Variants in LINGO2 observed in about 807,000 individuals in gnomAD.
The protein encoded by LINGO2 is leucine-rich repeat and immunoglobulin-like domain-containing nogo receptor-interacting protein 2.
Under a neutral mutation model 30.6 loss-of-function variants are expected in LINGO2, and 14 were observed. That is an observed-to-expected ratio of 0.46 (90% CI 0.30 to 0.72). LINGO2 has a LOEUF of 0.72. LINGO2 is among the 30% of genes least tolerant of loss of function. The probability of loss-of-function intolerance (pLI) is 0.07; values close to 1 mark genes in which losing one functional copy is unlikely to be tolerated. For missense variants in LINGO2, 729 were observed against 751.7 expected, an observed-to-expected ratio of 0.97 and a Z score of 0.35; for synonymous variants, 317 against 288.5, an observed-to-expected ratio of 1.10 and a Z score of -1.00.
the LINGO2 span, among the ~76,000 whole-genome samples, chr9:28,730,374 G>T: frequency 6.6e-6 from 1 of 152,116 alleles, no homozygotes; most frequent in African/African-American, 2.4e-5. Context: ...CGAGAGTTGG[G>T]CAAAGAGTTA....
chr9:28,441,976 T>C (rs1824216399), intron 2 of LINGO2, among the ~76,000 whole-genome samples: 1 of 152,178 alleles, frequency 6.6e-6, no homozygotes, highest in Non-Finnish European at 1.5e-5. Context: ...AAAATGTATA[T>C]CGATTCAATC....
At chr9:29,172,886 T>C in the LINGO2 span, among the ~76,000 whole-genome samples, 2 of 152,154 alleles carry the variant, frequency 1.3e-5, no homozygotes, top group Non-Finnish European at 1.5e-5. Flanking sequence ...TTAAGAGTCA[T>C]AGTCTGTCTT....
intron 4 of LINGO2, among the ~76,000 whole-genome samples, chr9:28,258,243 A>T (rs904111850): frequency 3.3e-5 from 5 of 151,870 alleles, no homozygotes; most frequent in Non-Finnish European, 7.4e-5. Context: ...ACTGGAGTAA[A>T]AATGCTTCCT....
In LINGO2 at chr9:28,199,596, C is replaced by G. The variant is rs150972949; in HGVS notation, c.-87+95612G>C. 3.5e-4 allele frequency among the ~76,000 whole-genome samples: 54 copies of G among 152,172 alleles called. No individual in the cohort carries two copies. The East Asian group carries it at 5.6e-3, about 16-fold the overall frequency. On this transcript the variant is annotated intron_variant, in intron 4 of 5. Coordinates refer to ENST00000379992, the Ensembl canonical transcript of LINGO2. ...CTTGTGATCCGCCTGCCTCGGCCCC[C>G]CAAAGTGTTGGGATTACAGGCGTGA...
intron 4 of LINGO2, among the ~76,000 whole-genome samples, chr9:28,269,152 C>T (rs984980446): frequency 3.3e-5 from 5 of 152,028 alleles, no homozygotes; most frequent in Admixed American, 6.6e-5. Context: ...ATGTCCATTT[C>T]TTGTGTTTCC....
At chr9:28,788,126 T>A in the LINGO2 span, among the ~76,000 whole-genome samples, 1 of 152,174 alleles carries the variant, frequency 6.6e-6, no homozygotes, top group Non-Finnish European at 1.5e-5. Context: ...ACAAAAAAGA[T>A]ATCTACAAAA....
intron 4 of LINGO2, among the ~76,000 whole-genome samples, chr9:28,224,911 A>C (rs1012094157): frequency 6.6e-6 from 1 of 152,170 alleles, no homozygotes; most frequent in African/African-American, 2.4e-5. Context: ...CAGCAACATA[A>C]AAACAGACAC....
At chr9:28,398,953 T>C (rs989322725) in intron 2 of LINGO2, among the ~76,000 whole-genome samples, 2 of 152,062 alleles carry the variant, frequency 1.3e-5, no homozygotes, top group Admixed American at 6.6e-5. Flanking sequence ...TCAATCACAG[T>C]CAAAAACTCC....
the LINGO2 span, among the ~76,000 whole-genome samples, chr9:29,010,057 G>C: frequency 6.6e-6 from 1 of 152,076 alleles, no homozygotes; most frequent in Non-Finnish European, 1.5e-5. Context: ...TTAAATGTTA[G>C]ACCTAAAACC....
chr9:29,002,282 C>T, the LINGO2 span, among the ~76,000 whole-genome samples: 3 of 151,970 alleles, frequency 2.0e-5, no homozygotes, highest in Non-Finnish European at 4.4e-5. Context: ...AGAAATGACA[C>T]TGATGATTAT....
In LINGO2 at chr9:28,288,724, G is replaced by C. The variant is rs149284118; in HGVS notation, c.-87+6484C>G. 9.9e-4 allele frequency among the ~76,000 whole-genome samples: 151 copies of C among 152,284 alleles called. 1 individual carries two copies. The East Asian group carries it at 0.025, about 25-fold the overall frequency. ...TTAAGAGTCACATGAGATTTTTCAT[G>C]AGGGAATCAGCTGCCTCACTAAATT... On this transcript the variant is annotated intron_variant, in intron 4 of 5. Transcript: ENST00000379992.
chr9:28,617,377 C>A (rs1283819251), intron 1 of LINGO2, among the ~76,000 whole-genome samples: 1 of 151,720 alleles, frequency 6.6e-6, no homozygotes, highest in African/African-American at 2.4e-5. Context: ...ATCACTGCAA[C>A]TTCCGCCTCC....
At chr9:27,975,175 C>T (rs533648756) in intron 5 of LINGO2, among the ~76,000 whole-genome samples, 14 of 151,998 alleles carry the variant, frequency 9.2e-5, no homozygotes, top group African/African-American at 3.4e-4. Flanking sequence ...TTCTGTGTGT[C>T]GAATCCACAT....
chr9:28,865,127 T>C, the LINGO2 span, among the ~76,000 whole-genome samples: 2 of 152,104 alleles, frequency 1.3e-5, no homozygotes, highest in African/African-American at 4.8e-5. Flanking sequence ...AGAACACATA[T>C]ACCACGGCCT....
the LINGO2 span, among the ~76,000 whole-genome samples, chr9:28,791,819 A>T: frequency 6.6e-6 from 1 of 151,938 alleles, no homozygotes; most frequent in Non-Finnish European, 1.5e-5. Flanking sequence ...TGACAAAAAT[A>T]ATATCAGATA....
chr9:28,425,033 A>T (rs1299772220), intron 2 of LINGO2, among the ~76,000 whole-genome samples: 2 of 151,986 alleles, frequency 1.3e-5, no homozygotes, highest in African/African-American at 4.8e-5. Context: ...CATGTACAGT[A>T]GGTCTTAAAC....
At chr9:28,301,835 C>G (rs1216217529) in intron 3 of LINGO2, among the ~76,000 whole-genome samples, 1 of 152,068 alleles carries the variant, frequency 6.6e-6, no homozygotes, top group African/African-American at 2.4e-5. Flanking sequence ...AAAGAAAAGG[C>G]AGGTCACCTA....
At chr9:28,282,977 G>C (rs776223676) in intron 4 of LINGO2, among the ~76,000 whole-genome samples, 3 of 152,100 alleles carry the variant, frequency 2.0e-5, no homozygotes, top group Non-Finnish European at 4.4e-5. Flanking sequence ...AACTCTTTCT[G>C]TTTCAGTCCA....
intron 1 of LINGO2, among the ~76,000 whole-genome samples, chr9:28,559,528 C>T (rs899389958): frequency 2.0e-5 from 3 of 152,230 alleles, no homozygotes; most frequent in South Asian, 4.1e-4. Context: ...CAAGATCCTA[C>T]AGTACATGGC....
Sources: allele counts gnomAD v4.1 joint callset (sites outside exome capture counted in the v4.1 genomes callset), GRCh38; gene constraint gnomAD v4.1.1; transcripts MANE v1.5; gene names NCBI Gene and HGNC (gene_info 2026-07-23, HGNC 2026-07-21).